The following SLC9A9 variants were observed in gnomAD, a reference collection of about 807,000 sequenced individuals.
The protein encoded by SLC9A9 is sodium/hydrogen exchanger 9.
In SLC9A9, 62 loss-of-function variants were observed where a neutral mutation model predicts 77.8. That is an observed-to-expected ratio of 0.80 (90% CI 0.65 to 0.98). The LOEUF is 0.98. SLC9A9 is among the 50% of genes least tolerant of loss of function. SLC9A9 has a pLI of 0.00. For missense variants in SLC9A9, 775 were observed against 774.9 expected (o/e 1.00, Z 0.00); for synonymous variants, 320 against 283.5 (o/e 1.13, Z -1.29).
Position 143,432,776 on chromosome 3 carries a change from T to C in SLC9A9, c.1469+34261A>G, listed in dbSNP as rs1236725178. On this transcript the variant is annotated intron_variant, in intron 12 of 15. Coordinates refer to ENST00000316549, the MANE Select transcript of SLC9A9 (RefSeq NM_173653.4). ...CCAAGTAGCTCGGACTACAGGTATA[T>C]ACCCCCACACCCGGCTAATTTTTGT... Among the ~76,000 whole-genome samples the C allele has an allele frequency of 4.6e-5, 7 of 152,284 alleles. No individual in the cohort carries two copies. In the East Asian group the frequency reaches 1.2e-3, roughly 25 times the overall value.
Position 143,578,619 on chromosome 3 carries a change from G to C in SLC9A9, c.860C>G (p.Ala287Gly), listed in dbSNP as rs2037404477. 6.2e-7 allele frequency: 1 copy of C among 1,613,954 alleles called. No individual in the cohort carries two copies. Among genetic ancestry groups the C allele is most frequent in the Non-Finnish European group, 8.5e-7 (1 of 1,179,952 alleles). The part of the protein sequence containing the change: ...NFLGIFAGSF[A>G]MGSAYAIITA... ...GATGATGGCATACGCAGACCCCATT[G>C]CAAATGAGCCAGCGAAGATTCCCAG... The change falls in exon 7 of 16, where the codon GCA becomes GGA. Residue 287 changes from alanine (A) to glycine (G), a missense_variant. By Grantham distance (60) the Ala-to-Gly change is moderately conservative. Transcript: ENST00000316549.
At chr3:143,380,874 T>C (rs911012818) in intron 13 of SLC9A9, among the ~76,000 whole-genome samples, 1 of 152,180 alleles carries the variant, frequency 6.6e-6, no homozygotes, top group African/African-American at 2.4e-5. Context: ...TTGTGCCTCA[T>C]TGATGGTGTT....
intron 6 of SLC9A9, among the ~76,000 whole-genome samples, chr3:143,596,671 C>CT (rs1003077433): frequency 6.6e-6 from 1 of 151,660 alleles, no homozygotes; most frequent in Non-Finnish European, 1.5e-5. Flanking sequence ...TTTTCTTTTT[C>CT]TTTTTTTTAA....
chr3:143,770,377 C>T (rs1010482726), intron 4 of SLC9A9, among the ~76,000 whole-genome samples: 2 of 152,074 alleles, frequency 1.3e-5, no homozygotes, highest in Non-Finnish European at 2.9e-5. Flanking sequence ...ATAACTTTCA[C>T]TAATGGACCA....
chr3:143,357,496 A>G (rs1310151437), intron 14 of SLC9A9, among the ~76,000 whole-genome samples: 1 of 152,152 alleles, frequency 6.6e-6, no homozygotes, highest in East Asian at 1.9e-4. Context: ...TCTCCTTTAG[A>G]CAGGTGAGGC....
At chr3:143,541,478 G>A (rs2036688804) in intron 9 of SLC9A9, among the ~76,000 whole-genome samples, 3 of 152,160 alleles carry the variant, frequency 2.0e-5, no homozygotes, top group Non-Finnish European at 2.9e-5. Context: ...TGGATTCCAG[G>A]ACTTCACAAA....
intron 4 of SLC9A9, among the ~76,000 whole-genome samples, chr3:143,773,045 G>T (rs1037306364): frequency 5.3e-5 from 8 of 152,196 alleles, no homozygotes; most frequent in Admixed American, 3.3e-4. Context: ...GTTTTGTTCA[G>T]CCTTTAAAAC....
chr3:143,350,224 C>T (rs561350468), intron 14 of SLC9A9, among the ~76,000 whole-genome samples: 51 of 152,134 alleles, frequency 3.4e-4, no homozygotes, highest in Non-Finnish European at 6.8e-4. Flanking sequence ...CCCAATAATG[C>T]GGCATCAGAT....
intron 9 of SLC9A9, among the ~76,000 whole-genome samples, chr3:143,522,653 C>T (rs2036321103): frequency 6.6e-6 from 1 of 152,042 alleles, no homozygotes; most frequent in Admixed American, 6.6e-5. Flanking sequence ...AACCAGCTTC[C>T]AAGATCACAA....
At chr3:143,568,337 A>G (rs758137008) in intron 8 of SLC9A9, among the ~76,000 whole-genome samples, 1 of 152,110 alleles carries the variant, frequency 6.6e-6, no homozygotes, top group African/African-American at 2.4e-5. Context: ...GATGTTATCC[A>G]TTGGAGTTGG....
At chr3:143,675,318 C>A (rs1446447995) in intron 5 of SLC9A9, among the ~76,000 whole-genome samples, 2 of 152,174 alleles carry the variant, frequency 1.3e-5, no homozygotes, top group Non-Finnish European at 2.9e-5. Flanking sequence ...CAAGTGCAGG[C>A]TGGTTGGGCA....
At chr3:143,294,750 A>G (rs1208401015) in intron 14 of SLC9A9, among the ~76,000 whole-genome samples, 1 of 152,194 alleles carries the variant, frequency 6.6e-6, no homozygotes, top group Non-Finnish European at 1.5e-5. Context: ...TGCAGATGAA[A>G]GAACTGAGTG....
chr3:143,266,221 C>A lies in SLC9A9; in HGVS notation c.*481G>T. 1 of 640,780 alleles carries A rather than the reference C, an allele frequency of 1.6e-6. No homozygotes were observed. Among genetic ancestry groups the A allele is most frequent in the Non-Finnish European group, 2.8e-6 (1 of 357,254 alleles). The allele number at this position is 640,780 out of a possible 1,614,324, so 39.7% of individuals were successfully genotyped here. On this transcript the variant is annotated 3_prime_UTR_variant, in exon 16 of 16. Transcript: ENST00000316549. Reference sequence around the variant, plus strand: ...CACTGAGAGCAAATGGGAGTCAAGTCCTCAAAATAAGAAACTTATCACTTA... The same window carrying A: ...CACTGAGAGCAAATGGGAGTCAAGTACTCAAAATAAGAAACTTATCACTTA...
chr3:143,466,990 G>C (rs781188860), intron 12 of SLC9A9, 47 bp downstream of exon 12: 2 of 1,596,734 alleles, frequency 1.3e-6, no homozygotes, highest in Non-Finnish European at 1.7e-6. Flanking sequence ...ATTGAACAGC[G>C]CAGCCATGCC....
rs562428184 is a variant in SLC9A9, at chr3:143,488,469, T to C, written c.1315+5184A>G. 2.3e-4 allele frequency among the ~76,000 whole-genome samples: 35 copies of C among 152,040 alleles called. No individual in the cohort carries two copies. In the South Asian group the frequency reaches 7.3e-3, roughly 32 times the overall value. On this transcript the variant is annotated intron_variant, in intron 11 of 15. Coordinates refer to ENST00000316549, the MANE Select transcript of SLC9A9 (RefSeq NM_173653.4). ...CAATAAGAAAACCACAGACTGCTAT[T>C]CCTTATGAACATAAATGCAAAATTC... is the stretch of plus-strand genomic sequence containing the variant.
intron 12 of SLC9A9, among the ~76,000 whole-genome samples, chr3:143,449,007 TAA>T (rs1396363453): frequency 2.3e-4 from 3 of 12,766 alleles, no homozygotes; most frequent in Non-Finnish European, 3.0e-4. Context: ...TATAATTATA[TAA>T]AATATAATTA....
chr3:143,478,925 A>G (rs1167155339), intron 11 of SLC9A9, among the ~76,000 whole-genome samples: 1 of 152,246 alleles, frequency 6.6e-6, no homozygotes, highest in Non-Finnish European at 1.5e-5. Flanking sequence ...GGTTAAAACT[A>G]TCAGATACTT....
At chr3:143,843,686 T>A (rs2009762126) in intron 1 of SLC9A9, among the ~76,000 whole-genome samples, 1 of 152,168 alleles carries the variant, frequency 6.6e-6, no homozygotes, top group South Asian at 2.1e-4. Flanking sequence ...TGCACAGGAT[T>A]ATAAATGTCC....
At chr3:143,500,633 T>C (rs1040130316) in intron 9 of SLC9A9, among the ~76,000 whole-genome samples, 3 of 152,192 alleles carry the variant, frequency 2.0e-5, no homozygotes, top group African/African-American at 7.2e-5. Flanking sequence ...ACGTCTGCAG[T>C]CTTTCCTAGC....
Sources: gnomAD v4.1 joint callset for allele counts (sites outside exome capture counted in the v4.1 genomes callset) on GRCh38, gnomAD v4.1.1 for gene constraint, MANE v1.5 for transcripts, NCBI Gene and HGNC (gene_info 2026-07-23, HGNC 2026-07-21) for gene names.